Variants in SIPA1L1 observed in about 807,000 individuals in gnomAD.
The protein encoded by SIPA1L1 is signal induced proliferation associated 1 like 1.
A neutral mutation model predicts 162.7 loss-of-function variants in SIPA1L1; 26 were observed. That is an observed-to-expected ratio of 0.16 (90% CI 0.12 to 0.22). SIPA1L1 has a LOEUF of 0.22. Ranked by LOEUF, SIPA1L1 falls within the 10% of genes least tolerant of loss-of-function variation. The probability of loss-of-function intolerance (pLI) is 1.00; values close to 1 mark genes in which losing one functional copy is unlikely to be tolerated. For synonymous variants in SIPA1L1, 829 were observed against 837.4 expected, an observed-to-expected ratio of 0.99 and a Z score of 0.17; for missense variants, 1,874 against 2,241.0, an observed-to-expected ratio of 0.84 and a Z score of 3.31.
intron 2 of SIPA1L1, among the ~76,000 whole-genome samples, chr14:71,374,532 A>G (rs1332556674): frequency 1.3e-5 from 2 of 151,848 alleles, no homozygotes; most frequent in African/African-American, 4.8e-5. Context: ...CATTTAAACA[A>G]AGTTTTCACA....
At chr14:71,322,749 T>G (rs1011980790) in intron 2 of SIPA1L1, among the ~76,000 whole-genome samples, 1 of 152,240 alleles carries the variant, frequency 6.6e-6, no homozygotes, top group Admixed American at 6.5e-5. Flanking sequence ...TATTAATGCT[T>G]AAGTAAAGGA....
At chr14:71,586,159 C>G (rs1051064742) in intron 4 of SIPA1L1, 5 of 151,790 alleles carry the variant, frequency 3.3e-5, no homozygotes, top group African/African-American at 4.8e-5. Context: ...CTGAATGGCT[C>G]CACAGACTCA....
At chr14:71,320,540 C>T (rs1194543862) in intron 1 of SIPA1L1, 37 bp downstream of exon 1, 2 of 152,524 alleles carry the variant, frequency 1.3e-5, no homozygotes, top group East Asian at 1.9e-4. Flanking sequence ...GGAGGGTCCC[C>T]GGGGAGGGCC....
intron 2 of SIPA1L1, among the ~76,000 whole-genome samples, chr14:71,383,075 A>G (rs975326114): frequency 2.0e-5 from 3 of 152,202 alleles, no homozygotes; most frequent in African/African-American, 7.2e-5. Context: ...TGTTGAGGAT[A>G]ACAACTTCAG....
intron 2 of SIPA1L1, among the ~76,000 whole-genome samples, chr14:71,501,594 T>C (rs921495134): frequency 1.3e-5 from 2 of 152,194 alleles, no homozygotes; most frequent in African/African-American, 4.8e-5. Flanking sequence ...CTTATGAGGG[T>C]GGCTTCTGAG....
intron 2 of SIPA1L1, among the ~76,000 whole-genome samples, chr14:71,452,145 A>G (rs1241759250): frequency 1.3e-5 from 2 of 152,060 alleles, no homozygotes; most frequent in Non-Finnish European, 2.9e-5. Flanking sequence ...AAAAATCAGG[A>G]TACCACCACC....
At chr14:71,444,518 A>G (rs1271130371) in intron 2 of SIPA1L1, among the ~76,000 whole-genome samples, 1 of 152,168 alleles carries the variant, frequency 6.6e-6, no homozygotes, top group Non-Finnish European at 1.5e-5. Flanking sequence ...GAATTTTTCA[A>G]TGCCTGAGAC....
intron 7 of SIPA1L1, among the ~76,000 whole-genome samples, chr14:71,641,257 T>C (rs1435648834): frequency 6.7e-6 from 1 of 149,982 alleles, no homozygotes; most frequent in Middle Eastern, 3.2e-3. Flanking sequence ...CAAGGAGTTC[T>C]GTCCACCCTA....
At chr14:71,523,650 G>C (rs2052579441) in intron 3 of SIPA1L1, among the ~76,000 whole-genome samples, 2 of 152,124 alleles carry the variant, frequency 1.3e-5, no homozygotes, top group African/African-American at 4.8e-5. Flanking sequence ...TGTGGTGTTT[G>C]TCAAATGGTG....
intron 2 of SIPA1L1, among the ~76,000 whole-genome samples, chr14:71,396,119 A>AT (rs1404548075): frequency 6.6e-6 from 1 of 152,070 alleles, no homozygotes; most frequent in East Asian, 1.9e-4. Context: ...GGTCCAGATC[A>AT]TTTAAAAAAA....
rs1265014794 is a variant in SIPA1L1, at chr14:71,631,957, A to T, written c.1818+7721A>T. 2.6e-5 allele frequency among the ~76,000 whole-genome samples: 4 copies of T among 152,076 alleles called. 1 individual carries two copies. In the East Asian group the frequency reaches 5.8e-4, roughly 22 times the overall value. ...AAAGCAAATAATGTGAATTAGAACA[A>T]TTTTTTTTGTTTTATTTTAATGACC... On this transcript the variant is annotated intron_variant, in intron 7 of 23. Coordinates refer to ENST00000381232, the MANE Select transcript of SIPA1L1 (RefSeq NM_001386936.1).
chr14:71,324,177 T>C (rs2033506957), intron 2 of SIPA1L1, among the ~76,000 whole-genome samples: 1 of 152,226 alleles, frequency 6.6e-6, no homozygotes, highest in African/African-American at 2.4e-5. Context: ...TAAAGTCTTA[T>C]TTGTAATAGG....
intron 2 of SIPA1L1, among the ~76,000 whole-genome samples, chr14:71,422,002 C>T (rs149171934): frequency 6.6e-6 from 1 of 152,216 alleles, no homozygotes; most frequent in African/African-American, 2.4e-5. Context: ...GTAATCCCAG[C>T]ACAGTGGGAA....
At chr14:71,632,489 C>T (rs1449448201) in intron 7 of SIPA1L1, among the ~76,000 whole-genome samples, 1 of 152,222 alleles carries the variant, frequency 6.6e-6, no homozygotes, top group East Asian at 1.9e-4. Flanking sequence ...AGCCTTCCCT[C>T]CTCCCTAATC....
chr14:71,531,138 T>C (rs1024745588), intron 4 of SIPA1L1, among the ~76,000 whole-genome samples: 2 of 152,214 alleles, frequency 1.3e-5, no homozygotes, highest in African/African-American at 4.8e-5. Context: ...GTGTGGAATG[T>C]GCAGGATACT....
intron 5 of SIPA1L1, among the ~76,000 whole-genome samples, chr14:71,614,300 T>C (rs1230389921): frequency 6.6e-6 from 1 of 152,036 alleles, no homozygotes; most frequent in Non-Finnish European, 1.5e-5. Context: ...GAGGGTTAAA[T>C]TTAAATAGTA....
chr14:71,442,051 T>C (rs1285815566), intron 2 of SIPA1L1, among the ~76,000 whole-genome samples: 1 of 151,686 alleles, frequency 6.6e-6, no homozygotes, highest in Non-Finnish European at 1.5e-5. Flanking sequence ...TGCATACCTG[T>C]AGTCCCAGCT....
At chr14:71,544,405 T>C (rs1310365886) in intron 4 of SIPA1L1, among the ~76,000 whole-genome samples, 1 of 152,084 alleles carries the variant, frequency 6.6e-6, no homozygotes, top group Admixed American at 6.5e-5. Context: ...TTATGAATAC[T>C]TTTCCTTGTC....
intron 2 of SIPA1L1, among the ~76,000 whole-genome samples, chr14:71,508,482 G>A (rs1043072432): frequency 1.4e-4 from 22 of 152,266 alleles, no homozygotes; most frequent in African/African-American, 5.3e-4. Flanking sequence ...AAGGAAGTTT[G>A]TACATGTTTA....
Sources: allele counts gnomAD v4.1 joint callset (sites outside exome capture counted in the v4.1 genomes callset), GRCh38; gene constraint gnomAD v4.1.1; transcripts MANE v1.5; gene names NCBI Gene and HGNC (gene_info 2026-07-23, HGNC 2026-07-21).